GLMN: variants seen among roughly 807,000 people sequenced by gnomAD.
The protein encoded by GLMN is glomulin.
A neutral mutation model predicts 87.8 loss-of-function variants in GLMN; 75 were observed. The ratio of observed to expected loss-of-function variants is 0.85; its 90% CI spans 0.71 to 1.04. The LOEUF (loss-of-function observed/expected upper bound fraction) is 1.04, where lower values mean the gene tolerates loss of function less well. Among genes scored for constraint, GLMN ranks in the 50% least tolerant of loss-of-function variants. The pLI, the probability that GLMN is intolerant of heterozygous loss-of-function variation, is 0.00. For synonymous variants in GLMN, 206 were observed against 221.6 expected, an observed-to-expected ratio of 0.93 and a Z score of 0.63; for missense variants, 588 against 658.8, an observed-to-expected ratio of 0.89 and a Z score of 1.18.
chr1:92,297,437 CT>C lies in GLMN; in HGVS notation c.131del (p.Gln44ArgfsTer3), dbSNP rs1650229048. On this transcript the variant is annotated frameshift_variant, in exon 3 of 19. Coordinates refer to ENST00000370360, the MANE Select transcript of GLMN (RefSeq NM_053274.3). LOFTEE classifies it high-confidence loss of function. ...TTTCATTTTGAATAATTTCTAATAG[CT>C]GGTCTGTGTGCCCTTCTTCTATGCA... ...QRCIEEGHTD[Q>X]LLEIIQNEKN... 6.2e-7 allele frequency: 1 copy of C among 1,610,718 alleles called. No individual in the cohort carries two copies. The highest frequency in any genetic ancestry group is 1.3e-5 in the African/African-American group (1 of 74,634).
the GLMN span, among the ~76,000 whole-genome samples, chr1:92,356,096 G>C: frequency 6.6e-6 from 1 of 151,692 alleles, no homozygotes; most frequent in East Asian, 1.9e-4. Context: ...TCCAACTGTG[G>C]GCCTTTTTTT....
chr1:92,291,461 C>G lies in GLMN; in HGVS notation c.242G>C (p.Ser81Thr). Residue 81 changes from serine (S) to threonine (T), a missense_variant, in exon 4 of 19, where the codon AGT becomes ACT. Ser to Thr is a moderately conservative substitution (Grantham distance 58). Transcript: ENST00000370360. ...GATCAAAAAATAAACTTTTCTTTTA[C>G]TATCCTCTTTATCTTTACACAAAAG... ...RCLLCKDKED[S>T]KRKVYFLIFD... is the part of the protein sequence containing the mutation. 1 of 1,598,608 alleles carries G rather than the reference C, an allele frequency of 6.3e-7. No individual in the cohort carries two copies. The highest frequency in any genetic ancestry group is 8.6e-7 in the Non-Finnish European group (1 of 1,165,920).
the GLMN span, among the ~76,000 whole-genome samples, chr1:92,306,672 C>T: frequency 6.6e-6 from 1 of 151,978 alleles, no homozygotes; most frequent in African/African-American, 2.4e-5. Flanking sequence ...ATAGAGACCC[C>T]ATCTCTACAA....
chr1:92,359,282 C>A, the GLMN span, among the ~76,000 whole-genome samples: 2 of 152,232 alleles, frequency 1.3e-5, no homozygotes, highest in South Asian at 4.1e-4. Flanking sequence ...GTAGGAAGAA[C>A]TGATTGGAAG....
At chr1:92,339,793 A>G in the GLMN span, among the ~76,000 whole-genome samples, 2 of 152,184 alleles carry the variant, frequency 1.3e-5, no homozygotes, top group Non-Finnish European at 2.9e-5. Context: ...GAGACATTCA[A>G]CTGCCCTTTT....
At chr1:92,264,697 G>A in intron 13 of GLMN, 59 bp from the exon 14 acceptor site, 1 of 935,762 alleles carries the variant, frequency 1.1e-6, no homozygotes, top group South Asian at 1.3e-5. Context: ...GAATTAAATG[G>A]TGATAAAAGT....
the GLMN span, chr1:92,304,301 T>C: frequency 1.0e-5 from 15 of 1,502,936 alleles, no homozygotes; most frequent in Middle Eastern, 1.7e-4. Flanking sequence ...AACAGAAATA[T>C]AAAATTTCTA....
the GLMN span, among the ~76,000 whole-genome samples, chr1:92,348,672 C>T: frequency 3.3e-5 from 5 of 152,120 alleles, no homozygotes; most frequent in Non-Finnish European, 7.4e-5. Flanking sequence ...AACTGATAGA[C>T]TTTTTTTATC....
At position 92,246,508 on chromosome 1, in the gene GLMN, T is replaced by A; in HGVS notation, c.*22A>T. The A allele has an allele frequency of 9.7e-7, 1 of 1,031,904 alleles. No homozygotes were observed. The highest frequency in any genetic ancestry group is 1.5e-6 in the Non-Finnish European group (1 of 650,848). The allele number at this position is 1,031,904 out of a possible 1,614,324, so 63.9% of individuals were successfully genotyped here. The stretch of plus-strand genomic sequence containing the variant: ...ATGGAAAGTACTATATTTTATTAGT[T>A]TTTATTTAGGAAATGGAACTTTCAC... On this transcript the variant is annotated 3_prime_UTR_variant, in exon 19 of 19. Coordinates refer to ENST00000370360, the MANE Select transcript of GLMN (RefSeq NM_053274.3).
chr1:92,283,531 T>C (rs965579473), intron 7 of GLMN, among the ~76,000 whole-genome samples: 1 of 151,972 alleles, frequency 6.6e-6, no homozygotes, highest in African/African-American at 2.4e-5. Flanking sequence ...AGGCAAAAAA[T>C]TGGAAGCATT....
intron 16 of GLMN, among the ~76,000 whole-genome samples, chr1:92,255,298 C>T (rs1366658073): frequency 6.6e-6 from 1 of 152,078 alleles, no homozygotes; most frequent in Non-Finnish European, 1.5e-5. Context: ...GACTCCCACA[C>T]AATAATAGTG....
the GLMN span, among the ~76,000 whole-genome samples, chr1:92,305,518 C>A: frequency 6.9e-6 from 1 of 144,654 alleles, no homozygotes; most frequent in African/African-American, 2.6e-5. Flanking sequence ...AATTATAGGC[C>A]AAAGAGGAGA....
the GLMN span, among the ~76,000 whole-genome samples, chr1:92,349,432 G>A: frequency 1.3e-5 from 2 of 152,224 alleles, no homozygotes; most frequent in East Asian, 3.9e-4. Flanking sequence ...GTATTAGTAT[G>A]TTGCTATAAT....
At chr1:92,304,748 G>A in the GLMN span, among the ~76,000 whole-genome samples, 10 of 152,264 alleles carry the variant, frequency 6.6e-5, no homozygotes, top group Non-Finnish European at 1.0e-4. Context: ...AATTAGTTAT[G>A]CAAATGGAAA....
the GLMN span, among the ~76,000 whole-genome samples, chr1:92,314,718 G>A: frequency 1.3e-5 from 2 of 150,624 alleles, no homozygotes; most frequent in Middle Eastern, 3.2e-3. Flanking sequence ...ACTACAGCCT[G>A]GGCAACAGAG....
the GLMN span, among the ~76,000 whole-genome samples, chr1:92,340,634 A>G: frequency 6.6e-6 from 1 of 152,204 alleles, no homozygotes; most frequent in African/African-American, 2.4e-5. Context: ...CTCAGACATT[A>G]GTATTTTCTA....
the GLMN span, among the ~76,000 whole-genome samples, chr1:92,313,292 A>C: frequency 6.6e-6 from 1 of 152,210 alleles, no homozygotes. Flanking sequence ...ATGTCTTAAG[A>C]CTTGAAAGTT....
At chr1:92,359,124 G>A in the GLMN span, among the ~76,000 whole-genome samples, 11 of 152,132 alleles carry the variant, frequency 7.2e-5, no homozygotes, top group Non-Finnish European at 1.5e-5. Flanking sequence ...AGAGCAATGA[G>A]GCAATGAAAT....
chr1:92,352,457 T>A, the GLMN span, among the ~76,000 whole-genome samples: 2 of 142,990 alleles, frequency 1.4e-5, no homozygotes, highest in East Asian at 2.1e-4. Flanking sequence ...TGTTTTTTTT[T>A]AAAGCCTGCC....
Sources: allele counts gnomAD v4.1 joint callset (sites outside exome capture counted in the v4.1 genomes callset), GRCh38; gene constraint gnomAD v4.1.1; transcripts MANE v1.5; gene names NCBI Gene and HGNC (gene_info 2026-07-23, HGNC 2026-07-21).